ENGASE: variants seen among roughly 807,000 people sequenced by gnomAD.
The protein encoded by ENGASE is endo-beta-N-acetylglucosaminidase, also known as cytosolic endo-beta-N-acetylglucosaminidase.
ENGASE carries 69 observed loss-of-function variants against 78.5 expected under a neutral mutation model. The observed-to-expected ratio is 0.88, with a 90% confidence interval of 0.72 to 1.07. The LOEUF (loss-of-function observed/expected upper bound fraction) is 1.07. ENGASE is among the 50% of genes least tolerant of loss of function. The pLI is 0.00. For missense variants in ENGASE, 943 were observed against 988.4 expected, an observed-to-expected ratio of 0.95 and a Z score of 0.62; for synonymous variants, 408 against 408.9, an observed-to-expected ratio of 1.00 and a Z score of 0.03.
chr17:79,078,543 C>T lies in ENGASE; in HGVS notation c.416+679C>T, dbSNP rs73408694. Among the ~76,000 whole-genome samples the T allele has an allele frequency of 4.5e-3, 684 of 152,326 alleles. 9 individuals carry two copies. Among genetic ancestry groups the T allele is most frequent in the African/African-American group, 0.016 (650 of 41,566 alleles). On this transcript the variant is annotated intron_variant, in intron 3 of 13. Transcript: ENST00000579016. ...TGGTTTGGTGTTCGTCACCTTCTTC[C>T]CTTAAGCTCTGATCCTGTTCTGGGT... is the stretch of plus-strand genomic sequence containing the variant.
chr17:79,077,913 T>TG, intron 3 of ENGASE, 49 bp downstream of exon 3: 1 of 684,646 alleles, frequency 1.5e-6, no homozygotes. Flanking sequence ...TCTCCTTTGC[T>TG]GGGGTGGGGG....
In ENGASE at chr17:79,074,952, C is replaced by A. The variant is rs750892574; in HGVS notation, c.8C>A (p.Ala3Asp). The A allele has an allele frequency of 7.9e-7, 1 of 1,260,700 alleles. No homozygotes were observed. The highest frequency in any genetic ancestry group is 3.6e-5 in the South Asian group (1 of 28,146). 78.1% of individuals were successfully genotyped at this position (1,260,700 alleles called of 1,614,324 possible). MEAAAVTVTRSAT... is the reference protein window; with the variant it reads MEDAAVTVTRSAT... ...GCGTGCGCGGACAGTGTCATGGAGG[C>A]CGCGGCGGTGACGGTCACCCGGTCG... is the stretch of plus-strand genomic sequence containing the variant. Residue 3 changes from alanine to aspartate, a missense_variant, in exon 1 of 14, where the codon GCC (alanine) becomes GAC (aspartate). Ala to Asp is a moderately radical substitution (Grantham distance 126). Coordinates refer to ENST00000579016, the MANE Select transcript of ENGASE (RefSeq NM_001042573.3).
rs754419091 is a variant in ENGASE at position 79,081,084 on chromosome 17, A to G, written c.872+11A>G. 4.0e-5 allele frequency: 55 copies of G among 1,367,024 alleles called. No homozygotes were observed. In the South Asian group the frequency reaches 6.3e-4, roughly 16 times the overall value. 84.7% of individuals were successfully genotyped at this position (1,367,024 alleles called of 1,614,324 possible). A position where few individuals can be genotyped will look rare whatever the true frequency, so the allele number is the denominator to read the frequency against. On this transcript the variant is annotated intron_variant, in intron 6 of 13. Transcript: ENST00000579016. The stretch of plus-strand genomic sequence containing the variant: ...CAACCAGCACAACAGGTGAGCCTGC[A>G]GACAGGTGCTGTGAGGGGGCAGGTG...
rs375383634 is a variant in ENGASE, at chr17:79,079,631, G to A, written c.559G>A (p.Val187Met). The change falls in exon 4 of 14, where the codon GTG (valine) becomes ATG (methionine). Residue 187 changes from valine to methionine, a missense_variant. Val to Met is a conservative substitution (Grantham distance 21, BLOSUM62 1). Coordinates refer to ENST00000579016, the MANE Select transcript of ENGASE (RefSeq NM_001042573.3). The part of the protein sequence containing the change: ...TNTAHRHGVC[V>M]LGTFITEWNE... ...CACTGCCCACAGGCATGGGGTCTGC[G>A]TGCTGGGTAAGAGCCAAGGACTCAC... is the stretch of plus-strand genomic sequence containing the variant. 130 of 1,612,742 alleles carry A rather than the reference G, an allele frequency of 8.1e-5. 1 individual carries two copies. Among genetic ancestry groups the A allele is most frequent in the South Asian group, 6.2e-4 (56 of 90,870 alleles).
Position 79,074,997 on chromosome 17 carries a change from G to GGCA in ENGASE, c.56_58dup (p.Gln19dup). The GGCA allele has an allele frequency of 1.6e-6, 2 of 1,216,480 alleles. No individual in the cohort carries two copies. Among genetic ancestry groups the GGCA allele is most frequent in the Non-Finnish European group, 2.1e-6 (2 of 974,950 alleles). The allele number at this position is 1,216,480 out of a possible 1,614,324, so 75.4% of individuals were successfully genotyped here. A position where few individuals can be genotyped will look rare whatever the true frequency, so the allele number is the denominator to read the frequency against. ...CGGTCGGCTACACGGCGGCGGCGGCGGCAGCTGCAGGGGCTGGCGGCCCCG... is the reference window on the plus strand; with the variant it reads ...CGGTCGGCTACACGGCGGCGGCGGCGGCAGCAGCTGCAGGGGCTGGCGGCCCCG... On this transcript the variant is annotated inframe_insertion, in exon 1 of 14. Coordinates refer to ENST00000579016, the MANE Select transcript of ENGASE (RefSeq NM_001042573.3).
Position 79,083,422 on chromosome 17 carries a change from G to A in ENGASE, c.1143-60G>A, listed in dbSNP as rs1013080782. On this transcript the variant is annotated intron_variant, in intron 8 of 13. Coordinates refer to ENST00000579016, the MANE Select transcript of ENGASE (RefSeq NM_001042573.3). The surrounding 1 kb of genome is among the most constrained non-coding windows in gnomAD (Gnocchi z 4.9). ...CGAGTTTCCACCAGCAAGTTTGAGG[G>A]ACACTGAGAGGCTCCCTCCCTTCCT... is the stretch of plus-strand genomic sequence containing the variant. 7.4e-5 allele frequency: 100 copies of A among 1,344,004 alleles called. 2 individuals carry two copies. The South Asian group carries it at 1.1e-3, about 15-fold the overall frequency. The allele number at this position is 1,344,004 out of a possible 1,614,324, so 83.3% of individuals were successfully genotyped here.
In ENGASE at chr17:79,082,018, G is replaced by A. The variant is rs2073155372; in HGVS notation, c.993G>A (p.Val331=). 1 of 1,614,132 alleles carries A rather than the reference G, an allele frequency of 6.2e-7. No homozygotes were observed. Among genetic ancestry groups the A allele is most frequent in the Admixed American group, 1.7e-5 (1 of 60,016 alleles). The change falls in exon 7 of 14, where the codon GTG becomes GTA. Residue 331 remains valine (V), a synonymous_variant. Transcript: ENST00000579016. ...CTGATGTGTACGTGGGCGTGGATGT[G>A]TTTGCTCGAGGGAACGTGGTCGGAG... The part of the protein sequence containing the change: ...RRADVYVGVD[V]FARGNVVGGR...
chr17:79,080,792 G>T (rs112006996), intron 5 of ENGASE, 133 bp from the exon 6 acceptor site: 28,308 of 1,219,986 alleles, frequency 0.023, 421 homozygotes, highest in Non-Finnish European at 0.026. Flanking sequence ...GTGGCGGGGA[G>T]GGCCTTTCAG....
chr17:79,076,210 C>G (rs2072964644), intron 1 of ENGASE, among the ~76,000 whole-genome samples: 1 of 152,192 alleles, frequency 6.6e-6, no homozygotes, highest in Non-Finnish European at 1.5e-5. Context: ...TAGGGAATCT[C>G]AACGTTGGTG....
chr17:79,075,043 G>GCAGGAGGAT lies in ENGASE; in HGVS notation c.106_114dup (p.Asp36_Glu38dup). The GCAGGAGGAT allele has an allele frequency of 1.7e-6, 2 of 1,205,692 alleles. No individual in the cohort carries two copies. Among genetic ancestry groups the GCAGGAGGAT allele is most frequent in the Non-Finnish European group, 2.1e-6 (2 of 967,912 alleles). 74.7% of individuals were successfully genotyped at this position (1,205,692 alleles called of 1,614,324 possible). On this transcript the variant is annotated inframe_insertion, in exon 1 of 14. Transcript: ENST00000579016. ...CCCCGGAGGCGGGGACGCAGGAGGA[G>GCAGGAGGAT]CAGGAGGATCAGGAGCCGCGGCCGC...
At position 79,079,701 on chromosome 17, in the gene ENGASE, G is replaced by A. The variant is rs1040115743; in HGVS notation, c.565+64G>A. ...CTCAGCTCACCAGCCAGGGGACCCC[G>A]TGATTAGGAGGCACGGGCTTTGCCT... On this transcript the variant is annotated intron_variant, in intron 4 of 13. Coordinates refer to ENST00000579016, the MANE Select transcript of ENGASE (RefSeq NM_001042573.3). The A allele has an allele frequency of 2.1e-5, 33 of 1,571,002 alleles. No homozygotes were observed. In the Admixed American group the frequency reaches 4.2e-4, roughly 20 times the overall value.
chr17:79,082,773 GC>G (rs2073179701), intron 7 of ENGASE: 2 of 1,468,584 alleles, frequency 1.4e-6, no homozygotes, highest in Non-Finnish European at 1.8e-6. Flanking sequence ...GCCAGTTGGG[GC>G]CCAGCCCCTG....
rs763255550 is a variant in ENGASE at position 79,086,083 on chromosome 17, T to C, written c.1966T>C (p.Ser656Pro). Residue 656 changes from serine to proline, a missense_variant, in exon 14 of 14, where the codon TCA becomes CCA. Coordinates refer to ENST00000579016, the MANE Select transcript of ENGASE (RefSeq NM_001042573.3). ...CACCCTGCACTGGTCCTTCCTCCTC[T>C]CACAAGTCCGTTGCTTCCGAATCCA... ...SCTLHWSFLL[S>P]QVRCFRIHCW... 6.2e-7 allele frequency: 1 copy of C among 1,613,578 alleles called. No individual in the cohort carries two copies. The highest frequency in any genetic ancestry group is 1.1e-5 in the South Asian group (1 of 91,086).
At chr17:79,080,440 C>T in intron 5 of ENGASE, 76 bp downstream of exon 5, 3 of 1,546,512 alleles carry the variant, frequency 1.9e-6, no homozygotes, top group Non-Finnish European at 2.6e-6. Flanking sequence ...CCTGCCTTGG[C>T]CTCACCTCGC....
At chr17:79,075,178 C>G in intron 1 of ENGASE, 88 bp downstream of exon 1, 1 of 1,172,602 alleles carries the variant, frequency 8.5e-7, no homozygotes, top group Non-Finnish European at 1.1e-6. Flanking sequence ...ACGGGCGCGC[C>G]GAGGGGCGGG....
chr17:79,080,024 C>T lies in ENGASE; in HGVS notation c.566-183C>T, dbSNP rs73398095. On this transcript the variant is annotated intron_variant, in intron 4 of 13. Transcript: ENST00000579016. ...TCAATCCCGATCGTTGATGGGCTTC[C>T]GTCACCAGGACTGCTGGTCTGCACT... 4.5e-3 allele frequency among the ~76,000 whole-genome samples: 693 copies of T among 152,372 alleles called. 9 individuals are homozygous for T. Among genetic ancestry groups the T allele is most frequent in the African/African-American group, 0.016 (653 of 41,590 alleles).
Position 79,087,236 on chromosome 17 carries a change from C to G in ENGASE, c.*887C>G, listed in dbSNP as rs963427030. 3.7e-5 allele frequency: 13 copies of G among 355,640 alleles called. No individual in the cohort carries two copies. The highest frequency in any genetic ancestry group is 6.7e-5 in the Non-Finnish European group (12 of 177,850). The allele number at this position is 355,640 out of a possible 1,614,324, so 22.0% of individuals were successfully genotyped here. ...CCCCCCGCGCCAGCCCAGCCCCAGC[C>G]TGAGTGCAGGAGCTGCAGGACCCGC... On this transcript the variant is annotated 3_prime_UTR_variant, in exon 14 of 14. Coordinates refer to ENST00000579016, the MANE Select transcript of ENGASE (RefSeq NM_001042573.3).
In ENGASE at chr17:79,075,057, A is replaced by G. The variant is rs868402999; in HGVS notation, c.113A>G (p.Glu38Gly). ...AGTQEEQEDQ[E>G]PRPRRRRPGR... The stretch of plus-strand genomic sequence containing the variant: ...ACGCAGGAGGAGCAGGAGGATCAGG[A>G]GCCGCGGCCGCGGCGGCGGCGGCCG... The change falls in exon 1 of 14, where the codon GAG (glutamate) becomes GGG (glycine). Residue 38 changes from glutamate (E) to glycine (G), a missense_variant. Transcript: ENST00000579016. The G allele has an allele frequency of 2.7e-5, 32 of 1,193,524 alleles. No homozygotes were observed. In the African/African-American group the frequency reaches 4.6e-4, roughly 17 times the overall value. The allele number at this position is 1,193,524 out of a possible 1,614,324, so 73.9% of individuals were successfully genotyped here. A position where few individuals can be genotyped will look rare whatever the true frequency, so the allele number is the denominator to read the frequency against.
At position 79,083,936 on chromosome 17, in the gene ENGASE, G is replaced by T. The variant is rs764525754; in HGVS notation, c.1427G>T (p.Gly476Val). ...LVRGVIPPEV[G>V]NVAVRLFSLQ... ...CGGGGTGTGATCCCACCGGAGGTTG[G>T]AAATGTGGCTGTGAGGTGGGTGAGT... The change falls in exon 10 of 14, where the codon GGA (glycine) becomes GTA (valine). Residue 476 changes from glycine to valine, a missense_variant. By Grantham distance (109) the Gly-to-Val change is moderately radical (BLOSUM62 -3). Coordinates refer to ENST00000579016, the MANE Select transcript of ENGASE (RefSeq NM_001042573.3). The surrounding 1 kb of genome is among the most constrained non-coding windows in gnomAD (Gnocchi z 4.9). The T allele has an allele frequency of 6.2e-7, 1 of 1,610,088 alleles. No homozygotes were observed. Among genetic ancestry groups the T allele is most frequent in the Non-Finnish European group, 8.5e-7 (1 of 1,179,624 alleles).
Sources: gnomAD v4.1 joint callset for allele counts (sites outside exome capture counted in the v4.1 genomes callset) on GRCh38, gnomAD v4.1.1 for gene constraint, Gnocchi (gnomAD v3.1) non-coding constraint, MANE v1.5 for transcripts, NCBI Gene and HGNC (gene_info 2026-07-23, HGNC 2026-07-21) for gene names.